The following CNBD1 variants were observed in gnomAD, a reference collection of about 807,000 sequenced individuals.
The protein encoded by CNBD1 is cyclic nucleotide-binding domain-containing protein 1.
CNBD1 carries 71 observed loss-of-function variants against 54.4 expected under a neutral mutation model. The ratio of observed to expected loss-of-function variants is 1.30; its 90% CI spans 1.08 to 1.59. The LOEUF is 1.59. Ranked by LOEUF, CNBD1 falls within the 40% of genes most tolerant of loss-of-function variation. The pLI is 0.00. For missense variants in CNBD1, 659 were observed against 518.0 expected (o/e 1.27, Z -2.64); for synonymous variants, 182 against 170.7 (o/e 1.07, Z -0.51).
intron 10 of CNBD1, among the ~76,000 whole-genome samples, chr8:87,377,328 G>T (rs1257047084): frequency 1.5e-5 from 2 of 130,532 alleles, no homozygotes; most frequent in African/African-American, 5.9e-5. Flanking sequence ...ACAGTCCCCA[G>T]AGTGCGATAT....
At chr8:87,267,543 A>T (rs1172320693) in intron 6 of CNBD1, among the ~76,000 whole-genome samples, 1 of 152,180 alleles carries the variant, frequency 6.6e-6, no homozygotes, top group Non-Finnish European at 1.5e-5. Flanking sequence ...TATTTTAGAG[A>T]TACTATTATA....
At chr8:86,896,718 C>T (rs1431141451) in intron 2 of CNBD1, among the ~76,000 whole-genome samples, 5 of 151,972 alleles carry the variant, frequency 3.3e-5, no homozygotes, top group South Asian at 2.1e-4. Context: ...AACTCAAGAC[C>T]ACTCTTTGCA....
intron 4 of CNBD1, among the ~76,000 whole-genome samples, chr8:86,974,214 A>T (rs1428474720): frequency 6.6e-6 from 1 of 152,142 alleles, no homozygotes; most frequent in African/African-American, 2.4e-5. Context: ...ATATGATTAT[A>T]TGCCCAACAA....
At chr8:87,337,655 C>A (rs1014887411) in intron 8 of CNBD1, among the ~76,000 whole-genome samples, 1 of 152,186 alleles carries the variant, frequency 6.6e-6, no homozygotes, top group South Asian at 2.1e-4. Flanking sequence ...TGTGGAAAAA[C>A]CACAGTTTTC....
At chr8:86,944,283 C>T (rs773175312) in intron 4 of CNBD1, among the ~76,000 whole-genome samples, 1 of 152,154 alleles carries the variant, frequency 6.6e-6, no homozygotes. Context: ...TTGAACTCCT[C>T]TATGTTTCTG....
At chr8:87,303,306 A>C (rs1373630040) in intron 8 of CNBD1, among the ~76,000 whole-genome samples, 1 of 152,050 alleles carries the variant, frequency 6.6e-6, no homozygotes, top group Non-Finnish European at 1.5e-5. Flanking sequence ...CCAATGGAAC[A>C]GAACAGAGCC....
intron 2 of CNBD1, among the ~76,000 whole-genome samples, chr8:86,903,107 C>A (rs113732720): frequency 6.6e-6 from 1 of 152,020 alleles, no homozygotes; most frequent in Non-Finnish European, 1.5e-5. Flanking sequence ...GCATTTGACT[C>A]TTCCATTTCA....
chr8:87,046,847 CT>C (rs1236063368), intron 4 of CNBD1, among the ~76,000 whole-genome samples: 1 of 148,464 alleles, frequency 6.7e-6, no homozygotes, highest in Non-Finnish European at 1.5e-5. Context: ...CAGACATCTC[CT>C]TTTCGCCCAC....
chr8:87,221,050 C>A (rs941879471), intron 5 of CNBD1, among the ~76,000 whole-genome samples: 1 of 152,064 alleles, frequency 6.6e-6, no homozygotes, highest in East Asian at 1.9e-4. Context: ...TTTTCTTTCT[C>A]CATCCTTATT....
At chr8:87,074,021 A>G (rs1023775135) in intron 4 of CNBD1, among the ~76,000 whole-genome samples, 47 of 151,816 alleles carry the variant, frequency 3.1e-4, no homozygotes, top group African/African-American at 1.1e-3. Context: ...GAATGGTGTG[A>G]ACCTGGGAGG....
rs116608246 is a variant in CNBD1 at position 87,132,597 on chromosome 8, T to C, written c.432-73396T>C. 1.5e-3 allele frequency among the ~76,000 whole-genome samples: 219 copies of C among 148,186 alleles called. 3 individuals carry two copies. Among genetic ancestry groups the C allele is most frequent in the African/African-American group, 4.9e-3 (199 of 40,824 alleles). ...GGAAGTTTCTCACCACTATTTCTTA[T>C]ATATCAAGATATATATTTATGTATA... On this transcript the variant is annotated intron_variant, in intron 4 of 10. Coordinates refer to ENST00000518476, the MANE Select transcript of CNBD1 (RefSeq NM_173538.3).
chr8:87,263,880 A>G (rs1405269050), intron 6 of CNBD1, among the ~76,000 whole-genome samples: 1 of 152,160 alleles, frequency 6.6e-6, no homozygotes, highest in East Asian at 1.9e-4. Flanking sequence ...AAAATCTAAT[A>G]CTATAATTTT....
At chr8:87,102,054 A>T (rs1811438735) in intron 4 of CNBD1, among the ~76,000 whole-genome samples, 1 of 151,886 alleles carries the variant, frequency 6.6e-6, no homozygotes, top group Non-Finnish European at 1.5e-5. Flanking sequence ...ATGTCTGGCT[A>T]ATTTTTATAT....
intron 3 of CNBD1, among the ~76,000 whole-genome samples, chr8:86,914,537 A>T (rs530745293): frequency 1.3e-5 from 2 of 152,252 alleles, no homozygotes; most frequent in Non-Finnish European, 2.9e-5. Flanking sequence ...TGCATTTCTC[A>T]GAAAGTATCC....
intron 5 of CNBD1, among the ~76,000 whole-genome samples, chr8:87,209,596 C>T (rs904428594): frequency 1.3e-5 from 2 of 152,080 alleles, no homozygotes; most frequent in African/African-American, 4.8e-5. Context: ...AATGCTCATA[C>T]TAGTCAAATT....
intron 2 of CNBD1, among the ~76,000 whole-genome samples, chr8:87,390,682 A>C (rs576357695): frequency 6.6e-6 from 1 of 152,012 alleles, no homozygotes; most frequent in Non-Finnish European, 1.5e-5. Flanking sequence ...AGTGAGTGTG[A>C]TGATTCCTCA....
At chr8:87,290,266 A>G (rs1204627157) in intron 8 of CNBD1, among the ~76,000 whole-genome samples, 1 of 152,018 alleles carries the variant, frequency 6.6e-6, no homozygotes, top group Non-Finnish European at 1.5e-5. Flanking sequence ...GATCAAATAT[A>G]TATTTATAGG....
chr8:86,873,286 A>G (rs1808467803), intron 1 of CNBD1, among the ~76,000 whole-genome samples: 1 of 151,638 alleles, frequency 6.6e-6, no homozygotes, highest in African/African-American at 2.4e-5. Flanking sequence ...TTTTTAGTAG[A>G]GACGGGGTTT....
At chr8:86,958,232 G>C (rs148888402) in intron 4 of CNBD1, among the ~76,000 whole-genome samples, 224 of 152,308 alleles carry the variant, frequency 1.5e-3, no homozygotes, top group Middle Eastern at 6.8e-3. Context: ...ATTTGCTGAG[G>C]AGTGCTTTAC....
Sources: gnomAD v4.1 joint callset for allele counts (sites outside exome capture counted in the v4.1 genomes callset) on GRCh38, gnomAD v4.1.1 for gene constraint, MANE v1.5 for transcripts, NCBI Gene and HGNC (gene_info 2026-07-23, HGNC 2026-07-21) for gene names.